Variants in TERT observed in about 807,000 individuals in gnomAD.
TERT encodes the protein telomerase reverse transcriptase, also known as telomerase catalytic subunit.
TERT carries 42 observed loss-of-function variants against 104.0 expected under a neutral mutation model. That is an observed-to-expected ratio of 0.40 (90% confidence interval 0.32 to 0.52). The LOEUF (loss-of-function observed/expected upper bound fraction) is 0.52. Among genes scored for constraint, TERT ranks in the 20% least tolerant of loss-of-function variants. The pLI, the probability that TERT is intolerant of heterozygous loss-of-function variation, is 0.43. For missense variants in TERT, 1,101 were observed against 1,610.3 expected, an observed-to-expected ratio of 0.68 and a Z score of 5.41; for synonymous variants, 781 against 725.6, an observed-to-expected ratio of 1.08 and a Z score of -1.23.
In TERT at chr5:1,282,643, G is replaced by T. The variant is rs754118416; in HGVS notation, c.1574-19C>A. The T allele has an allele frequency of 6.2e-7, 1 of 1,613,000 alleles. No individual in the cohort carries two copies. Among genetic ancestry groups the T allele is most frequent in the Non-Finnish European group, 8.5e-7 (1 of 1,179,806 alleles). On this transcript the variant is annotated intron_variant, in intron 2 of 15. Transcript: ENST00000310581. ...CCAACCCCTTAAACGAGAAGGACAT[G>T]CCACATCCAGATCACCGAGGGCCTG...
chr5:1,259,787 GGAGA>G (rs918588739), intron 12 of TERT, among the ~76,000 whole-genome samples: 1 of 141,444 alleles, frequency 7.1e-6, no homozygotes, highest in African/African-American at 2.7e-5. Flanking sequence ...GACGCCCACA[GGAGA>G]GAGGGAGTGG....
intron 6 of TERT, 23 bp downstream of exon 6, chr5:1,278,618 C>G (rs373622516): frequency 1.2e-6 from 2 of 1,613,874 alleles, no homozygotes; most frequent in South Asian, 2.2e-5. Context: ...ATCCTGGACA[C>G]GACTATCACA....
rs1456012973 is a variant in TERT, at chr5:1,294,638, C to CG, written c.247dup (p.Arg83ProfsTer109). 6.3e-7 allele frequency: 1 copy of CG among 1,596,028 alleles called. No individual in the cohort carries two copies. The highest frequency in any genetic ancestry group is 8.5e-7 in the Non-Finnish European group (1 of 1,178,912). ...GCGCTCGCACAGCCTCTGCAGCACT[C>CG]GGGCCACCAGCTCCTTCAGGCAGGA... On this transcript the variant is annotated frameshift_variant, in exon 2 of 16. Coordinates refer to ENST00000310581, the MANE Select transcript of TERT (RefSeq NM_198253.3). LOFTEE classifies it high-confidence loss of function.
Position 1,268,371 on chromosome 5 carries a change from C to T in TERT, c.2582+149G>A, listed in dbSNP as rs576404979. The stretch of plus-strand genomic sequence containing the variant: ...CTCAGGCTGTGCAACCCCTCCCGTG[C>T]GGCTTCATACCAAGAAGGGGCTGCA... On this transcript the variant is annotated intron_variant, in intron 9 of 15. Transcript: ENST00000310581. The surrounding 1 kb of genome is among the most constrained non-coding windows in gnomAD (Gnocchi z 5.5). The T allele has an allele frequency of 2.4e-5, 16 of 669,910 alleles. No individual in the cohort carries two copies. Among genetic ancestry groups the T allele is most frequent in the East Asian group, 1.1e-4 (4 of 36,162 alleles). 41.5% of individuals were successfully genotyped at this position (669,910 alleles called of 1,614,324 possible). A position where few individuals can be genotyped will look rare whatever the true frequency, so the allele number is the denominator to read the frequency against.
rs1218311075 is a variant in TERT at position 1,263,170 on chromosome 5, C to G, written c.2843+1234G>C. 6.6e-6 allele frequency among the ~76,000 whole-genome samples: 1 copy of G among 152,168 alleles called. No individual in the cohort carries two copies. Among genetic ancestry groups the G allele is most frequent in the East Asian group, 1.9e-4 (1 of 5,190 alleles). ...CTGCTGCTCCCCCATGAAGCAAACC[C>G]CAGGGAGCATTCTGGAAAGAGGCAA... On this transcript the variant is annotated intron_variant, in intron 11 of 15. Transcript: ENST00000310581. The surrounding 1 kb of genome is among the most constrained non-coding windows in gnomAD (Gnocchi z 5.3).
chr5:1,265,477 G>A lies in TERT; in HGVS notation c.2655-885C>T, dbSNP rs1044133456. ...CAGGAACTTGCCACACAGAAGCAGC[G>A]TTCCCCGTCTGCTCTGTCCCCTCAG... On this transcript the variant is annotated intron_variant, in intron 10 of 15. Transcript: ENST00000310581. This position sits in a 1 kb window ranked among gnomAD's most constrained non-coding sequence, Gnocchi z 6.9. 5.3e-5 allele frequency among the ~76,000 whole-genome samples: 8 copies of A among 152,182 alleles called. No individual in the cohort carries two copies. Among genetic ancestry groups the A allele is most frequent in the African/African-American group, 1.4e-4 (6 of 41,436 alleles).
chr5:1,282,676 C>G (rs1371528611), intron 2 of TERT, 52 bp from the exon 3 acceptor site: 1 of 1,581,014 alleles, frequency 6.3e-7, no homozygotes, highest in Non-Finnish European at 8.7e-7. Context: ...CTGGTGACCT[C>G]ACCCCGGACC....
chr5:1,260,425 C>T (rs2126584000), intron 12 of TERT, 49 bp downstream of exon 12: 2 of 1,612,262 alleles, frequency 1.2e-6, no homozygotes, highest in Non-Finnish European at 8.5e-7. Context: ...CATACTTGCG[C>T]ACACACCTCC....
chr5:1,256,756 G>A lies in TERT; in HGVS notation c.3033-1345C>T, dbSNP rs746128113. On this transcript the variant is annotated intron_variant, in intron 13 of 15. Transcript: ENST00000310581. The surrounding 1 kb of genome is among the most constrained non-coding windows in gnomAD (Gnocchi z 7.0). ...AACAAATAAATAAGCCTAAGGTCCCGGGGTTGCCACACGGCCACGCTCCTG... is the reference window on the plus strand; with the variant it reads ...AACAAATAAATAAGCCTAAGGTCCCAGGGTTGCCACACGGCCACGCTCCTG... Among the ~76,000 whole-genome samples, 28 of 152,188 alleles carry A rather than the reference G, an allele frequency of 1.8e-4. No homozygotes were observed. The highest frequency in any genetic ancestry group is 3.9e-4 in the Admixed American group (6 of 15,278).
chr5:1,270,114 G>A lies in TERT; in HGVS notation c.2468+1005C>T, dbSNP rs1010087508. 6.6e-6 allele frequency among the ~76,000 whole-genome samples: 1 copy of A among 152,154 alleles called. No individual in the cohort carries two copies. Among genetic ancestry groups the A allele is most frequent in the East Asian group, 1.9e-4 (1 of 5,200 alleles). On this transcript the variant is annotated intron_variant, in intron 8 of 15. Transcript: ENST00000310581. This position sits in a 1 kb window ranked among gnomAD's most constrained non-coding sequence, Gnocchi z 8.3. ...GGGCCGCTTACACACATGTGCACAC[G>A]TGTCCCTCGGCCAAAATTCACTCTG...
At position 1,286,053 on chromosome 5, in the gene TERT, G is replaced by A. The variant is rs1750462295; in HGVS notation, c.1574-3429C>T. Among the ~76,000 whole-genome samples the A allele has an allele frequency of 6.6e-6, 1 of 152,100 alleles. No homozygotes were observed. ...GCGATTTCAAACTCGACACCGCGGA[G>A]CCACCAGACCCCGACATGCCTGGGG... On this transcript the variant is annotated intron_variant, in intron 2 of 15. Coordinates refer to ENST00000310581, the MANE Select transcript of TERT (RefSeq NM_198253.3). This position sits in a 1 kb window ranked among gnomAD's most constrained non-coding sequence, Gnocchi z 5.3.
In TERT at chr5:1,279,402, G is replaced by A. The variant is rs762941707; in HGVS notation, c.2019C>T (p.Pro673=). ...CCAGCACAGAGGCGCCCAGGAGGCC[G>A]GGGCGCCGCGCCCGCTCGTAGTTGA... ...SVLNYERARR[P]GLLGASVLGL... is the part of the protein sequence containing the mutation. Residue 673 remains proline, a synonymous_variant, in exon 5 of 16, where the codon CCC becomes CCT. Transcript: ENST00000310581. 3.7e-5 allele frequency: 57 copies of A among 1,554,102 alleles called. No homozygotes were observed. Among genetic ancestry groups the A allele is most frequent in the South Asian group, 2.0e-4 (17 of 84,376 alleles).
intron 4 of TERT, 82 bp downstream of exon 4, chr5:1,280,076 G>C (rs569502180): frequency 6.4e-7 from 1 of 1,566,320 alleles, no homozygotes; most frequent in African/African-American, 1.4e-5. Flanking sequence ...CCCTCCTCCG[G>C]GCCCTTCATC....
rs1166648728 is a variant in TERT, at chr5:1,295,047, G to A, written c.-58C>T. On this transcript the variant is annotated 5_prime_UTR_variant, in exon 1 of 16. Coordinates refer to ENST00000310581, the MANE Select transcript of TERT (RefSeq NM_198253.3). Reference sequence around the variant, plus strand: ...TGCGCAGCAGGACGCAGCGCTGCCTGAAACTCGCGCCGCGAGGAGAGGGCG... The same window carrying A: ...TGCGCAGCAGGACGCAGCGCTGCCTAAAACTCGCGCCGCGAGGAGAGGGCG... 1 of 1,152,190 alleles carries A rather than the reference G, an allele frequency of 8.7e-7. No homozygotes were observed. Among genetic ancestry groups the A allele is most frequent in the Non-Finnish European group, 1.1e-6 (1 of 916,804 alleles). The allele number at this position is 1,152,190 out of a possible 1,614,324, so 71.4% of individuals were successfully genotyped here.
intron 2 of TERT, among the ~76,000 whole-genome samples, chr5:1,285,686 C>T (rs1053174802): frequency 6.7e-6 from 1 of 150,042 alleles, no homozygotes; most frequent in Non-Finnish European, 1.5e-5. Flanking sequence ...TCTCCTGCCT[C>T]AGCCTCCCGA....
chr5:1,278,958 G>T (rs2126640863), intron 5 of TERT, among the ~76,000 whole-genome samples, 162 bp from the exon 6 acceptor site: 1 of 152,374 alleles, frequency 6.6e-6, no homozygotes, highest in African/African-American at 2.4e-5. Flanking sequence ...CTGAGCCTCA[G>T]GACAGGAGAC....
At chr5:1,266,145 T>G (rs1748583582) in intron 10 of TERT, among the ~76,000 whole-genome samples, 1 of 148,256 alleles carries the variant, frequency 6.7e-6, no homozygotes, top group African/African-American at 2.5e-5. Context: ...GGGGTCTCAC[T>G]GGGGCCCCAG....
intron 2 of TERT, among the ~76,000 whole-genome samples, chr5:1,291,668 G>T (rs1400599444): frequency 2.0e-5 from 3 of 148,552 alleles, no homozygotes. Flanking sequence ...CGCTGCACGG[G>T]ACAGGGACAC....
chr5:1,266,672 T>G (rs1748629692), intron 9 of TERT, 137 bp from the exon 10 acceptor site: 1 of 785,942 alleles, frequency 1.3e-6, no homozygotes, highest in South Asian at 1.5e-5. Context: ...ATGAAAAACT[T>G]AAATTTCTTT....
Sources: gnomAD v4.1 joint callset for allele counts (sites outside exome capture counted in the v4.1 genomes callset) on GRCh38, gnomAD v4.1.1 for gene constraint, Gnocchi (gnomAD v3.1) non-coding constraint, MANE v1.5 for transcripts, NCBI Gene and HGNC (gene_info 2026-07-23, HGNC 2026-07-21) for gene names.